The following TNR variants were observed in gnomAD, a reference collection of about 807,000 sequenced individuals.
The protein encoded by TNR is tenascin-R.
Under a neutral mutation model 150.4 loss-of-function variants are expected in TNR, and 45 were observed. The observed-to-expected ratio is 0.30, with a 90% CI of 0.24 to 0.38. The LOEUF (loss-of-function observed/expected upper bound fraction) is 0.38, where lower values mean the gene tolerates loss of function less well. Ranked by LOEUF, TNR falls within the 10% of genes least tolerant of loss-of-function variation. The pLI, the probability that TNR is intolerant of heterozygous loss-of-function variation, is 1.00. For missense variants in TNR, 1,544 were observed against 1,759.1 expected (o/e 0.88, Z 2.19); for synonymous variants, 687 against 678.4 (o/e 1.01, Z -0.20).
intron 22 of TNR, 50 bp from the exon 23 acceptor site, chr1:175,323,526 C>T: frequency 1.3e-6 from 2 of 1,586,412 alleles, no homozygotes. Flanking sequence ...CCATGGAACG[C>T]CCCACTTCAA....
chr1:175,416,868 C>T (rs576879123), intron 2 of TNR, among the ~76,000 whole-genome samples: 12 of 152,118 alleles, frequency 7.9e-5, no homozygotes, highest in South Asian at 4.2e-4. Context: ...ATTAGCCAGG[C>T]GTGGTGGCAG....
chr1:175,459,014 A>T (rs746691018), intron 2 of TNR, among the ~76,000 whole-genome samples: 1 of 151,298 alleles, frequency 6.6e-6, no homozygotes, highest in Non-Finnish European at 1.5e-5. Context: ...CACTACCACC[A>T]TCATCATTAA....
chr1:175,415,721 C>T (rs1468099673), intron 2 of TNR, among the ~76,000 whole-genome samples: 1 of 152,108 alleles, frequency 6.6e-6, no homozygotes, highest in Admixed American at 6.5e-5. Flanking sequence ...CCTTGTACTA[C>T]CTGGGAGAAC....
At chr1:175,456,096 T>C (rs1382225596) in intron 2 of TNR, among the ~76,000 whole-genome samples, 1 of 152,200 alleles carries the variant, frequency 6.6e-6, no homozygotes, top group Non-Finnish European at 1.5e-5. Flanking sequence ...AGCTCACCCG[T>C]GCTCACCCTA....
intron 2 of TNR, among the ~76,000 whole-genome samples, chr1:175,513,149 G>A (rs1028865853): frequency 2.6e-5 from 4 of 152,162 alleles, no homozygotes; most frequent in African/African-American, 9.7e-5. Context: ...GGTAATCCTT[G>A]TAATGGGATT....
chr1:175,518,302 C>T (rs536204916), intron 2 of TNR, among the ~76,000 whole-genome samples: 1 of 152,290 alleles, frequency 6.6e-6, no homozygotes, highest in East Asian at 1.9e-4. Flanking sequence ...CTGCATTAAG[C>T]CAAGTCACCC....
At chr1:175,408,018 TTTGTCTCTCATC>T (rs1654038126) in intron 2 of TNR, among the ~76,000 whole-genome samples, 1 of 152,190 alleles carries the variant, frequency 6.6e-6, no homozygotes, top group Non-Finnish European at 1.5e-5. Context: ...TCCATAAGCA[TTTGTCTCTCATC>T]TTTTCCCTCC....
intron 1 of TNR, among the ~76,000 whole-genome samples, chr1:175,622,311 TGGCAGAGCTGGGGCACCA>T (rs1444284651): frequency 6.6e-6 from 1 of 152,218 alleles, no homozygotes; most frequent in Non-Finnish European, 1.5e-5. Flanking sequence ...TGCAGGTACA[TGGCAGAGCTGGGGCACCA>T]GGCACCCATA....
chr1:175,674,432 C>G (rs1218772670), intron 1 of TNR, among the ~76,000 whole-genome samples: 2 of 152,276 alleles, frequency 1.3e-5, no homozygotes, highest in East Asian at 3.9e-4. Context: ...AGCTGAAAAG[C>G]CTCCCACCAG....
chr1:175,593,957 T>G (rs568365835), intron 1 of TNR, among the ~76,000 whole-genome samples: 1 of 152,302 alleles, frequency 6.6e-6, no homozygotes, highest in East Asian at 1.9e-4. Context: ...TGGTCATTAT[T>G]CACCCATAAA....
intron 1 of TNR, among the ~76,000 whole-genome samples, chr1:175,664,289 G>A (rs1320298385): frequency 6.6e-6 from 1 of 152,244 alleles, no homozygotes; most frequent in East Asian, 1.9e-4. Flanking sequence ...TTCCCCAGCT[G>A]GGATAAATTC....
chr1:175,709,898 C>A (rs534841643), intron 1 of TNR, among the ~76,000 whole-genome samples: 1 of 151,936 alleles, frequency 6.6e-6, no homozygotes, highest in Non-Finnish European at 1.5e-5. Context: ...TCAGGTGAGG[C>A]CAACATTGCT....
intron 1 of TNR, among the ~76,000 whole-genome samples, chr1:175,661,906 C>T (rs1204345914): frequency 1.3e-5 from 2 of 151,130 alleles, no homozygotes; most frequent in Non-Finnish European, 2.9e-5. Flanking sequence ...CCTTGAGAGG[C>T]TGCATTCACT....
In TNR at chr1:175,514,227, G is replaced by C. The variant is rs115677095; in HGVS notation, c.-64+14042C>G. 2.4e-3 allele frequency among the ~76,000 whole-genome samples: 370 copies of C among 152,326 alleles called. 2 individuals are homozygous for C. The highest frequency in any genetic ancestry group is 8.6e-3 in the African/African-American group (358 of 41,566). ...AAAAGTGGAAGAGGGAGGCAAAAGAGGAAATCAGAGTGATGCTATGTGAGA... is the reference window on the plus strand; with the variant it reads ...AAAAGTGGAAGAGGGAGGCAAAAGACGAAATCAGAGTGATGCTATGTGAGA... On this transcript the variant is annotated intron_variant, in intron 2 of 22. Coordinates refer to ENST00000367674, the MANE Select transcript of TNR (RefSeq NM_003285.3).
intron 2 of TNR, among the ~76,000 whole-genome samples, chr1:175,492,423 T>C (rs948122688): frequency 6.6e-6 from 1 of 152,164 alleles, no homozygotes; most frequent in Non-Finnish European, 1.5e-5. Context: ...AGAGGAGAGA[T>C]TGCCCAAGGC....
intron 2 of TNR, among the ~76,000 whole-genome samples, chr1:175,510,346 G>A (rs1190716199): frequency 6.7e-6 from 1 of 149,588 alleles, no homozygotes; most frequent in African/African-American, 2.5e-5. Flanking sequence ...CCTAAGAACT[G>A]TGAAGACCTT....
At chr1:175,677,279 T>G (rs568040019) in intron 1 of TNR, among the ~76,000 whole-genome samples, 276 of 152,346 alleles carry the variant, frequency 1.8e-3, no homozygotes, top group African/African-American at 6.4e-3. Context: ...CCTGGGTGTC[T>G]TCTTCTACCT....
At chr1:175,378,927 C>T (rs111338479) in intron 9 of TNR, among the ~76,000 whole-genome samples, 13,749 of 152,220 alleles carry the variant, frequency 0.09, 739 homozygotes, top group South Asian at 0.14. Context: ...CACCTGTAAT[C>T]CCAGCACTTT....
intron 2 of TNR, among the ~76,000 whole-genome samples, chr1:175,516,068 T>C (rs1172539308): frequency 6.6e-6 from 1 of 152,244 alleles, no homozygotes; most frequent in Non-Finnish European, 1.5e-5. Context: ...GTTGTGATTA[T>C]AGGCTTGGCT....
Sources: gnomAD v4.1 joint callset for allele counts (sites outside exome capture counted in the v4.1 genomes callset) on GRCh38, gnomAD v4.1.1 for gene constraint, MANE v1.5 for transcripts, NCBI Gene and HGNC (gene_info 2026-07-23, HGNC 2026-07-21) for gene names.